Variants in DENND2D observed in about 807,000 individuals in gnomAD.
The protein encoded by DENND2D is DENN domain containing 2D, also known as DENN domain-containing protein 2D.
DENND2D carries 37 observed loss-of-function variants against 59.8 expected under a neutral mutation model. The observed-to-expected ratio is 0.62, with a 90% CI of 0.48 to 0.81. The LOEUF (loss-of-function observed/expected upper bound fraction) is 0.81, where lower values mean the gene tolerates loss of function less well. Among genes scored for constraint, DENND2D ranks in the 40% least tolerant of loss-of-function variants. The pLI, the probability that DENND2D is intolerant of heterozygous loss-of-function variation, is 0.00. For missense variants in DENND2D, 525 were observed against 579.7 expected (o/e 0.91, Z 0.97); for synonymous variants, 219 against 211.3 (o/e 1.04, Z -0.31).
chr1:111,189,149 G>A (rs1571172040), intron 9 of DENND2D, 63 bp downstream of exon 9: 2 of 1,554,490 alleles, frequency 1.3e-6, no homozygotes, highest in Non-Finnish European at 1.8e-6. Context: ...AGTGGAACAT[G>A]GATGAAACTA....
chr1:111,192,046 T>G (rs1657823814), intron 8 of DENND2D, 94 bp downstream of exon 8: 1 of 1,196,516 alleles, frequency 8.4e-7, no homozygotes, highest in African/African-American at 1.5e-5. Flanking sequence ...GTAAGGTAAC[T>G]TGCCCCTAAT....
chr1:111,196,045 T>A lies in DENND2D; in HGVS notation c.516A>T (p.Glu172Asp). ...TGGAGATCTGATGTCTCTTCTCCACTTCATCCAGGATCTGCAGGGAAAAGA... is the reference window on the plus strand; with the variant it reads ...TGGAGATCTGATGTCTCTTCTCCACATCATCCAGGATCTGCAGGGAAAAGA... ...CFGLFSKILD[E>D]VEKRHQISMA... The change falls in exon 6 of 12, where the codon GAA becomes GAT. Residue 172 changes from glutamate (E) to aspartate (D), a missense_variant. Glu to Asp is a conservative substitution (Grantham distance 45, BLOSUM62 2). Around this residue, in one of 3 missense-constraint regions of DENND2D, gnomAD observed 253 missense variants for 246.4 expected, o/e 1.03. Transcript: ENST00000357640. 6.2e-7 allele frequency: 1 copy of A among 1,609,442 alleles called. No individual in the cohort carries two copies. The highest frequency in any genetic ancestry group is 1.7e-5 in the Admixed American group (1 of 59,630).
Position 111,187,453 on chromosome 1 carries a change from C to CA in DENND2D, c.*151dup. 4.7e-6 allele frequency: 3 copies of CA among 642,946 alleles called. No homozygotes were observed. The highest frequency in any genetic ancestry group is 2.8e-5 in the Admixed American group (1 of 36,278). The allele number at this position is 642,946 out of a possible 1,614,324, so 39.8% of individuals were successfully genotyped here. Reference sequence around the variant, plus strand: ...AAATCAATACCAGGGATCCAAATCTCAGACACCAGTTTGAAGCAATACCTG... The same window carrying CA: ...AAATCAATACCAGGGATCCAAATCTCAAGACACCAGTTTGAAGCAATACCTG... On this transcript the variant is annotated 3_prime_UTR_variant, in exon 12 of 12. Transcript: ENST00000357640.
In DENND2D at chr1:111,199,755, T is replaced by C; in HGVS notation, c.111A>G (p.Glu37=). Residue 37 remains glutamate, a synonymous_variant, in exon 2 of 12, where the codon GAA becomes GAG. Coordinates refer to ENST00000357640, the MANE Select transcript of DENND2D (RefSeq NM_024901.5). ...TGGGCAAAGAGTGCTCCTGGGCCCT[T>C]TCTGGTTCCTTTAAAGCTTCCCCTG... is the stretch of plus-strand genomic sequence containing the variant. The part of the protein sequence containing the change: ...DNSGEALKEP[E]RAQEHSLPNF... The C allele has an allele frequency of 6.2e-7, 1 of 1,614,116 alleles. No individual in the cohort carries two copies. Among genetic ancestry groups the C allele is most frequent in the South Asian group, 1.1e-5 (1 of 91,078 alleles).
upstream of DENND2D, chr1:111,204,228 C>A: frequency 7.1e-7 from 1 of 1,416,790 alleles, no homozygotes. Context: ...GGGCCCCAGC[C>A]GCCAGCCCTA....
intron 8 of DENND2D, among the ~76,000 whole-genome samples, chr1:111,191,716 T>C (rs1489415940): frequency 1.3e-5 from 2 of 152,226 alleles, no homozygotes; most frequent in Non-Finnish European, 2.9e-5. Flanking sequence ...GTTAGCTCAA[T>C]TCCAAGGAAT....
At chr1:111,188,028 G>C (rs1657377731) in intron 11 of DENND2D, 103 bp downstream of exon 11, 2 of 1,469,916 alleles carry the variant, frequency 1.4e-6, no homozygotes, top group Non-Finnish European at 1.8e-6. Flanking sequence ...TCTACCTACA[G>C]CTATTTTGTG....
chr1:111,197,258 G>A lies in DENND2D; in HGVS notation c.427-5C>T, dbSNP rs1326203680. 1.2e-6 allele frequency: 2 copies of A among 1,611,018 alleles called. No individual in the cohort carries two copies. Among genetic ancestry groups the A allele is most frequent in the Non-Finnish European group, 1.7e-6 (2 of 1,179,008 alleles). ...GCGAGGGCCAGGGCCGGCAGGCTGGGGAGGGACAGAGAGGCTCCTTCAGTG... is the reference window on the plus strand; with the variant it reads ...GCGAGGGCCAGGGCCGGCAGGCTGGAGAGGGACAGAGAGGCTCCTTCAGTG... On this transcript the variant is annotated splice_polypyrimidine_tract_variant and splice_region_variant and intron_variant, in intron 4 of 11. Transcript: ENST00000357640.
chr1:111,198,029 T>C (rs751940154), intron 3 of DENND2D, 40 bp from the exon 4 acceptor site: 1 of 1,601,406 alleles, frequency 6.2e-7, no homozygotes, highest in Non-Finnish European at 8.5e-7. Flanking sequence ...TATTGCTCAC[T>C]GAATCCTAAA....
At chr1:111,196,148 T>C (rs1658207427) in intron 5 of DENND2D, 92 bp from the exon 6 acceptor site, 7 of 1,465,602 alleles carry the variant, frequency 4.8e-6, no homozygotes, top group South Asian at 2.7e-5. Context: ...GTCATAATGT[T>C]CTCATACTGG....
At chr1:111,188,637 G>T in intron 10 of DENND2D, 65 bp downstream of exon 10, 1 of 1,437,710 alleles carries the variant, frequency 7.0e-7, no homozygotes, top group Non-Finnish European at 9.8e-7. Flanking sequence ...AGTTCTGGAA[G>T]GGAATGATTG....
rs777392457 is a variant in DENND2D at position 111,200,427 on chromosome 1, C to T, written c.33G>A (p.Arg11=). 3.7e-6 allele frequency: 6 copies of T among 1,612,398 alleles called. No homozygotes were observed. In the South Asian group the frequency reaches 6.6e-5, roughly 18 times the overall value. ...GTTGAAGCAGTCGGCGTTGGAAGAG[C>T]CTGAACACCCGGCCTACCACTTGTC... is the stretch of plus-strand genomic sequence containing the variant. MEGQVVGRVF[R]LFQRRLLQLR... Residue 11 remains arginine (R), a synonymous_variant, in exon 1 of 12, where the codon AGG becomes AGA. Coordinates refer to ENST00000357640, the MANE Select transcript of DENND2D (RefSeq NM_024901.5).
chr1:111,199,720 C>G lies in DENND2D; in HGVS notation c.146G>C (p.Gly49Ala). Residue 49 changes from glycine (G) to alanine (A), a missense_variant, in exon 2 of 12, where the codon GGG becomes GCG. By Grantham distance (60) the Gly-to-Ala change is moderately conservative (BLOSUM62 0). Around this residue, in one of 3 missense-constraint regions of DENND2D, gnomAD observed 253 missense variants for 246.4 expected, o/e 1.03. Coordinates refer to ENST00000357640, the MANE Select transcript of DENND2D (RefSeq NM_024901.5). ...AAGGTATTCAAAGAAGTGCTGCCCC[C>G]CAGCAAAGTTGGGCAAAGAGTGCTC... ...AQEHSLPNFA[G>A]GQHFFEYLLV... is the part of the protein sequence containing the mutation. The G allele has an allele frequency of 6.2e-7, 1 of 1,614,170 alleles. No homozygotes were observed. Among genetic ancestry groups the G allele is most frequent in the East Asian group, 2.2e-5 (1 of 44,870 alleles).
At chr1:111,196,909 C>T (rs759548565) in intron 5 of DENND2D, 2 of 416,738 alleles carry the variant, frequency 4.8e-6, no homozygotes, top group Non-Finnish European at 8.9e-6. Flanking sequence ...GCAGAAGTTT[C>T]TTCTGCTTGT....
chr1:111,194,412 G>A (rs1032759273), intron 7 of DENND2D, among the ~76,000 whole-genome samples, 166 bp downstream of exon 7: 6 of 152,292 alleles, frequency 3.9e-5, no homozygotes, highest in African/African-American at 1.4e-4. Context: ...GGCAGTGGGG[G>A]TGGTTCAAAA....
At chr1:111,188,072 C>A in intron 11 of DENND2D, 59 bp downstream of exon 11, 1 of 1,580,352 alleles carries the variant, frequency 6.3e-7, no homozygotes, top group Non-Finnish European at 8.6e-7. Flanking sequence ...TCTTTCCCCT[C>A]CTCTTTATTC....
intron 6 of DENND2D, chr1:111,195,096 T>C (rs1658105057): frequency 4.9e-6 from 1 of 205,254 alleles, no homozygotes; most frequent in African/African-American, 2.3e-5. Context: ...GAGGCCCCCC[T>C]TTGGCCATGT....
chr1:111,200,313 G>C (rs994011565), intron 1 of DENND2D, 80 bp downstream of exon 1: 2 of 1,538,044 alleles, frequency 1.3e-6, no homozygotes. Flanking sequence ...GGAAGAGGAG[G>C]AAGGAGCATT....
rs202237373 is a variant in DENND2D at position 111,196,062 on chromosome 1, G to C, written c.505-6C>G. 20 of 1,604,826 alleles carry C rather than the reference G, an allele frequency of 1.2e-5. No individual in the cohort carries two copies. In the East Asian group the frequency reaches 4.5e-4, roughly 36 times the overall value. On this transcript the variant is annotated splice_polypyrimidine_tract_variant and splice_region_variant and intron_variant, in intron 5 of 11. Coordinates refer to ENST00000357640, the MANE Select transcript of DENND2D (RefSeq NM_024901.5). The stretch of plus-strand genomic sequence containing the variant: ...TTCTCCACTTCATCCAGGATCTGCA[G>C]GGAAAAGAACCACGGGAGGCACGGC...
Sources: gnomAD v4.1 joint callset for allele counts (sites outside exome capture counted in the v4.1 genomes callset) on GRCh38, gnomAD v4.1.1 for gene constraint, gnomAD v4.1.1 regional missense constraint, MANE v1.5 for transcripts, NCBI Gene and HGNC (gene_info 2026-07-23, HGNC 2026-07-21) for gene names.